The following RALYL variants were observed in gnomAD, a reference collection of about 807,000 sequenced individuals.
RALYL encodes the protein RNA-binding Raly-like protein.
Under a neutral mutation model 35.1 loss-of-function variants are expected in RALYL, and 29 were observed. The observed-to-expected ratio is 0.83, with a 90% CI of 0.61 to 1.13. The LOEUF (loss-of-function observed/expected upper bound fraction) is 1.13, where lower values mean the gene tolerates loss of function less well. RALYL is among the 50% of genes most tolerant of loss of function. The pLI, the probability that RALYL is intolerant of heterozygous loss-of-function variation, is 0.00. For synonymous variants in RALYL, 120 were observed against 127.6 expected (o/e 0.94, Z 0.40); for missense variants, 359 against 360.4 (o/e 1.00, Z 0.03).
intron 1 of RALYL, among the ~76,000 whole-genome samples, chr8:84,267,310 A>G (rs1833518401): frequency 6.6e-6 from 1 of 152,314 alleles, no homozygotes; most frequent in South Asian, 2.1e-4. Flanking sequence ...TCCCGATTGT[A>G]AACTCCAGAA....
At chr8:84,568,349 T>A (rs2061941153) in intron 2 of RALYL, among the ~76,000 whole-genome samples, 1 of 151,824 alleles carries the variant, frequency 6.6e-6, no homozygotes, top group South Asian at 2.1e-4. Context: ...GGTTTCCAGT[T>A]TCATCCGTGT....
rs1442370694 is a variant in RALYL, at chr8:84,746,339, AC to A, written c.257-28239del. Among the ~76,000 whole-genome samples the A allele has an allele frequency of 2.0e-5, 3 of 152,136 alleles. No individual in the cohort carries two copies. The East Asian group carries it at 5.8e-4, about 29-fold the overall frequency. Reference sequence around the variant, plus strand: ...TACTTAAAAATATAAACATTGAAAAACATAAAACTGAAATTTTAGTAATGTT... The same window carrying A: ...TACTTAAAAATATAAACATTGAAAAAATAAAACTGAAATTTTAGTAATGTT... On this transcript the variant is annotated intron_variant, in intron 2 of 8. Coordinates refer to ENST00000521268, the MANE Select transcript of RALYL (RefSeq NM_173848.7).
rs1328838921 is a variant in RALYL, at chr8:84,819,260, G to A, written c.365+14458G>A. Among the ~76,000 whole-genome samples the A allele has an allele frequency of 2.0e-5, 3 of 152,014 alleles. No individual in the cohort carries two copies. The South Asian group carries it at 6.2e-4, about 32-fold the overall frequency. On this transcript the variant is annotated intron_variant, in intron 4 of 8. Coordinates refer to ENST00000521268, the MANE Select transcript of RALYL (RefSeq NM_173848.7). The stretch of plus-strand genomic sequence containing the variant: ...GGAGAGTACACAAAGTTTCCACAGC[G>A]CTATTTTTGTAATCTAAAGCAGTTG...
intron 1 of RALYL, among the ~76,000 whole-genome samples, chr8:84,502,319 A>G (rs1283033069): frequency 6.6e-6 from 1 of 152,066 alleles, no homozygotes; most frequent in Non-Finnish European, 1.5e-5. Context: ...TGCTAGAACA[A>G]CTGGCTACTT....
intron 1 of RALYL, among the ~76,000 whole-genome samples, chr8:84,264,131 A>G (rs1586635243): frequency 6.6e-6 from 1 of 152,194 alleles, no homozygotes; most frequent in South Asian, 2.1e-4. Flanking sequence ...TATGTATCCA[A>G]TAATGGAATT....
At chr8:84,199,840 G>A (rs1173578023) in intron 1 of RALYL, among the ~76,000 whole-genome samples, 1 of 152,124 alleles carries the variant, frequency 6.6e-6, no homozygotes, top group East Asian at 1.9e-4. Context: ...TCTCTATGCT[G>A]TTCCAAATGT....
intron 1 of RALYL, among the ~76,000 whole-genome samples, chr8:84,314,005 G>T (rs115984269): frequency 2.0e-5 from 3 of 152,216 alleles, no homozygotes; most frequent in African/African-American, 4.8e-5. Flanking sequence ...AAGAAAGAGG[G>T]ATTAATTGCC....
At chr8:84,757,207 G>T (rs1178218809) in intron 2 of RALYL, among the ~76,000 whole-genome samples, 1 of 151,960 alleles carries the variant, frequency 6.6e-6, no homozygotes, top group Non-Finnish European at 1.5e-5. Flanking sequence ...TTAAACTCAG[G>T]CCTGATATGA....
chr8:84,188,968 C>T (rs1365080278), intron 1 of RALYL, among the ~76,000 whole-genome samples: 1 of 152,052 alleles, frequency 6.6e-6, no homozygotes, highest in Non-Finnish European at 1.5e-5. Context: ...GGGACTGAGT[C>T]CTGGAAAATA....
At chr8:84,913,030 GGATAGGTAGGTAGA>G (rs1847796337) in intron 8 of RALYL, among the ~76,000 whole-genome samples, 3 of 76,158 alleles carry the variant, frequency 3.9e-5, no homozygotes, top group African/African-American at 1.1e-4. Context: ...ATGGATGGAT[GGATAGGTAGGTAGA>G]TAGATAGATA....
chr8:84,482,913 G>A (rs145119540), intron 1 of RALYL, among the ~76,000 whole-genome samples: 2,514 of 152,186 alleles, frequency 0.017, 69 homozygotes, highest in African/African-American at 0.057. Context: ...TAGCCATGAA[G>A]TGAAAATGGC....
chr8:84,409,820 A>T (rs1009521795), intron 1 of RALYL, among the ~76,000 whole-genome samples: 1 of 151,960 alleles, frequency 6.6e-6, no homozygotes, highest in African/African-American at 2.4e-5. Context: ...TTCTAAACCT[A>T]TTAAGAACTA....
At chr8:84,850,512 G>C (rs1357589617) in intron 5 of RALYL, among the ~76,000 whole-genome samples, 3 of 151,902 alleles carry the variant, frequency 2.0e-5, no homozygotes, top group Non-Finnish European at 2.9e-5. Context: ...CATCCAATGA[G>C]GAAAAAACAG....
chr8:84,371,758 A>G (rs1855771338), intron 1 of RALYL, among the ~76,000 whole-genome samples: 1 of 152,100 alleles, frequency 6.6e-6, no homozygotes, highest in Admixed American at 6.6e-5. Context: ...CTAAAGATAA[A>G]TCCTTTGAAG....
intron 1 of RALYL, among the ~76,000 whole-genome samples, chr8:84,310,709 T>G (rs1031898400): frequency 1.3e-5 from 2 of 152,166 alleles, no homozygotes; most frequent in Non-Finnish European, 2.9e-5. Context: ...TTTGATAGAA[T>G]TTTTTGTAAG....
chr8:84,439,060 C>A (rs570942214), intron 1 of RALYL, among the ~76,000 whole-genome samples: 3 of 151,596 alleles, frequency 2.0e-5, no homozygotes, highest in East Asian at 3.9e-4. Context: ...GGATTGCTTT[C>A]GTCATTTGGG....
chr8:84,311,468 T>C (rs538213258), intron 1 of RALYL, among the ~76,000 whole-genome samples: 2 of 152,186 alleles, frequency 1.3e-5, no homozygotes, highest in South Asian at 2.1e-4. Flanking sequence ...TGTTTAAACA[T>C]AGAATGGGAG....
At chr8:84,418,759 A>G (rs1159957006) in intron 1 of RALYL, among the ~76,000 whole-genome samples, 2 of 151,898 alleles carry the variant, frequency 1.3e-5, no homozygotes, top group East Asian at 3.9e-4. Flanking sequence ...CAACTTTTAC[A>G]TGCAATACCA....
intron 2 of RALYL, among the ~76,000 whole-genome samples, chr8:84,584,125 A>G (rs1423072409): frequency 1.3e-5 from 2 of 152,066 alleles, no homozygotes; most frequent in Non-Finnish European, 2.9e-5. Flanking sequence ...CCTTTTAGTT[A>G]TTTTTGAATG....
Sources: allele counts gnomAD v4.1 joint callset (sites outside exome capture counted in the v4.1 genomes callset), GRCh38; gene constraint gnomAD v4.1.1; transcripts MANE v1.5; gene names NCBI Gene and HGNC (gene_info 2026-07-23, HGNC 2026-07-21).